The following WDFY1 variants were observed in gnomAD, a reference collection of about 807,000 sequenced individuals.
The protein encoded by WDFY1 is WD repeat and FYVE domain containing 1.
In WDFY1, 32 loss-of-function variants were observed where a neutral mutation model predicts 56.4. That is an observed-to-expected ratio of 0.57 (90% CI 0.43 to 0.76). The LOEUF (loss-of-function observed/expected upper bound fraction) is 0.76. Ranked by LOEUF, WDFY1 falls within the 30% of genes least tolerant of loss-of-function variation. WDFY1 has a pLI of 0.00. For synonymous variants in WDFY1, 192 were observed against 197.3 expected (o/e 0.97, Z 0.23); for missense variants, 480 against 545.7 (o/e 0.88, Z 1.20).
Position 223,895,564 on chromosome 2 carries a change from C to A in WDFY1, c.665G>T (p.Ser222Ile). Residue 222 changes from serine to isoleucine, a missense_variant, in exon 7 of 12, where the codon AGC (serine) becomes ATC (isoleucine). Physicochemically the swap from Ser to Ile is moderately radical, Grantham distance 142 (BLOSUM62 -2). Transcript: ENST00000233055. ...RLLFSGASDN[S>I]IIMWDIGGRK... ...TCCTCCGATGTCCCACATGATGATG[C>A]TGTTGTCAGATGCTCCTGAGAAGAG... 1 of 1,614,042 alleles carries A rather than the reference C, an allele frequency of 6.2e-7. No individual in the cohort carries two copies. The highest frequency in any genetic ancestry group is 2.2e-5 in the East Asian group (1 of 44,862).
At chr2:223,941,165 C>T (rs1362086063) in intron 1 of WDFY1, among the ~76,000 whole-genome samples, 1 of 152,154 alleles carries the variant, frequency 6.6e-6, no homozygotes, top group Non-Finnish European at 1.5e-5. Flanking sequence ...CCATGTTGGC[C>T]AGGCTGTTCT....
intron 3 of WDFY1, 147 bp downstream of exon 3, chr2:223,912,106 T>C: frequency 1.2e-6 from 1 of 811,162 alleles, no homozygotes; most frequent in Non-Finnish European, 1.9e-6. Context: ...TGAGCCACTG[T>C]GCTTGGCCTA....
intron 1 of WDFY1, among the ~76,000 whole-genome samples, chr2:223,942,383 C>A (rs1285038705): frequency 6.6e-6 from 1 of 151,602 alleles, no homozygotes; most frequent in African/African-American, 2.4e-5. Context: ...CCACACCTGG[C>A]TAATTTTTGA....
intron 5 of WDFY1, 22 bp downstream of exon 5, chr2:223,901,161 G>T: frequency 6.2e-7 from 1 of 1,603,246 alleles, no homozygotes; most frequent in East Asian, 2.2e-5. Context: ...GGGAAGGAGA[G>T]GTCCGTGGCT....
Position 223,881,943 on chromosome 2 carries a change from C to A in WDFY1, c.1063G>T (p.Asp355Tyr), listed in dbSNP as rs1559161522. The A allele has an allele frequency of 6.2e-7, 1 of 1,613,530 alleles. No homozygotes were observed. Among genetic ancestry groups the A allele is most frequent in the East Asian group, 2.2e-5 (1 of 44,850 alleles). Residue 355 changes from aspartate to tyrosine, a missense_variant and splice_region_variant, in exon 10 of 12, where the codon GAT (aspartate) becomes TAT (tyrosine). Coordinates refer to ENST00000233055, the MANE Select transcript of WDFY1 (RefSeq NM_020830.5). ...AGACAAAAATATGCAAACACTCACT[C>A]TTCATCTTTGATGGAGTCGTAACAA... ...DSCYDSIKDE[D>Y]RTSLATFHEG... is the part of the protein sequence containing the mutation.
At chr2:223,896,175 A>AAAAAAAC (rs1693371738) in intron 6 of WDFY1, among the ~76,000 whole-genome samples, 1 of 147,196 alleles carries the variant, frequency 6.8e-6, no homozygotes, top group African/African-American at 2.6e-5. Flanking sequence ...AAAAAAAAAA[A>AAAAAAAC]AAAAAAAACT....
chr2:223,892,999 G>A (rs1325116658), intron 8 of WDFY1, among the ~76,000 whole-genome samples: 1 of 152,100 alleles, frequency 6.6e-6, no homozygotes, highest in South Asian at 2.1e-4. Flanking sequence ...TAACAACATC[G>A]TAAGTTGTAG....
intron 8 of WDFY1, among the ~76,000 whole-genome samples, chr2:223,885,162 T>C (rs1432168615): frequency 6.6e-6 from 1 of 151,972 alleles, no homozygotes; most frequent in East Asian, 1.9e-4. Flanking sequence ...TAGCTAGTTG[T>C]CATATTCAAT....
rs570167390 is a variant in WDFY1 at position 223,939,314 on chromosome 2, T to A, written c.137+5834A>T. ...GTTCTAGAGAGGCCAGATAAGTACA[T>A]GAAGCCCGGACTGGGGTTTCTCAAT... On this transcript the variant is annotated intron_variant, in intron 1 of 11. Coordinates refer to ENST00000233055, the MANE Select transcript of WDFY1 (RefSeq NM_020830.5). 2.0e-5 allele frequency among the ~76,000 whole-genome samples: 3 copies of A among 152,314 alleles called. No homozygotes were observed. The East Asian group carries it at 5.8e-4, about 29-fold the overall frequency.
At chr2:223,892,057 C>T (rs1018538113) in intron 8 of WDFY1, among the ~76,000 whole-genome samples, 6 of 152,178 alleles carry the variant, frequency 3.9e-5, no homozygotes, top group Non-Finnish European at 7.3e-5. Flanking sequence ...TCACTGCAAC[C>T]TCTGCCTCCT....
chr2:223,916,944 A>G (rs1203768848), intron 2 of WDFY1, among the ~76,000 whole-genome samples: 1 of 151,650 alleles, frequency 6.6e-6, no homozygotes, highest in East Asian at 1.9e-4. Context: ...CCTCTTGAGT[A>G]GCTGGGATTA....
At chr2:223,912,163 C>A in intron 3 of WDFY1, 90 bp downstream of exon 3, 1 of 1,348,282 alleles carries the variant, frequency 7.4e-7, no homozygotes, top group Non-Finnish European at 1.0e-6. Context: ...ATTGTTAATC[C>A]AAAGTTAACT....
chr2:223,889,124 G>C (rs962267350), intron 8 of WDFY1, among the ~76,000 whole-genome samples: 2 of 151,268 alleles, frequency 1.3e-5, no homozygotes, highest in South Asian at 4.2e-4. Flanking sequence ...GGCTGGTCTC[G>C]AACTCCTGAC....
chr2:223,894,404 T>C lies in WDFY1; in HGVS notation c.726-65A>G, dbSNP rs970283438. On this transcript the variant is annotated intron_variant, in intron 7 of 11. Coordinates refer to ENST00000233055, the MANE Select transcript of WDFY1 (RefSeq NM_020830.5). ...GAAAAACACAGGAACTGTCTTCATT[T>C]AGGCTCAAATTGCTCTCCTCATTAA... The C allele has an allele frequency of 5.2e-6, 8 of 1,528,238 alleles. No homozygotes were observed. In the African/African-American group the frequency reaches 8.2e-5, roughly 16 times the overall value. The allele number at this position is 1,528,238 out of a possible 1,614,324, so 94.7% of individuals were successfully genotyped here. A position where few individuals can be genotyped will look rare whatever the true frequency, so the allele number is the denominator to read the frequency against.
chr2:223,941,265 C>CT (rs35595162), intron 1 of WDFY1, among the ~76,000 whole-genome samples: 47,982 of 149,044 alleles, frequency 0.32, 8,988 homozygotes, highest in Non-Finnish European at 0.43. Flanking sequence ...CCCCCAAAAA[C>CT]TTTTTTTTTT....
intron 8 of WDFY1, among the ~76,000 whole-genome samples, chr2:223,892,679 A>G (rs1693298647): frequency 6.6e-6 from 1 of 152,250 alleles, no homozygotes; most frequent in South Asian, 2.1e-4. Context: ...ATCAGAGACA[A>G]CACAAAGCAG....
At chr2:223,924,420 A>G (rs982520526) in intron 1 of WDFY1, among the ~76,000 whole-genome samples, 4 of 152,328 alleles carry the variant, frequency 2.6e-5, no homozygotes, top group Admixed American at 2.6e-4. Flanking sequence ...CTGGAGCGGT[A>G]TGGCACAAGT....
At position 223,922,818 on chromosome 2, in the gene WDFY1, T is replaced by C. The variant is rs184110842; in HGVS notation, c.138-4808A>G. ...ACCAAGTATTTAACCTGGAAAAGTC[T>C]AATGTTAATTTCATACAGCTTTAGA... On this transcript the variant is annotated intron_variant, in intron 1 of 11. Coordinates refer to ENST00000233055, the MANE Select transcript of WDFY1 (RefSeq NM_020830.5). 2.6e-5 allele frequency among the ~76,000 whole-genome samples: 4 copies of C among 152,332 alleles called. No homozygotes were observed. In the East Asian group the frequency reaches 5.8e-4, roughly 22 times the overall value.
At chr2:223,934,549 TCA>T (rs1694137302) in intron 1 of WDFY1, among the ~76,000 whole-genome samples, 1 of 152,170 alleles carries the variant, frequency 6.6e-6, no homozygotes, top group Non-Finnish European at 1.5e-5. Flanking sequence ...AGACAGAGTC[TCA>T]CTCTTGTCAC....
Sources: gnomAD v4.1 joint callset for allele counts (sites outside exome capture counted in the v4.1 genomes callset) on GRCh38, gnomAD v4.1.1 for gene constraint, MANE v1.5 for transcripts, NCBI Gene and HGNC (gene_info 2026-07-23, HGNC 2026-07-21) for gene names.